Variants in SYNE2 observed in about 807,000 individuals in gnomAD.
The protein encoded by SYNE2 is nesprin-2.
In SYNE2, 431 loss-of-function variants were observed where a neutral mutation model predicts 856.3. That is an observed-to-expected ratio of 0.50 (90% CI 0.47 to 0.55). The LOEUF (loss-of-function observed/expected upper bound fraction) is 0.55, where lower values mean the gene tolerates loss of function less well. SYNE2 is among the 20% of genes least tolerant of loss of function. The probability of loss-of-function intolerance (pLI) is 0.00; values close to 1 mark genes in which losing one functional copy is unlikely to be tolerated. For synonymous variants in SYNE2, 2,923 were observed against 2,872.3 expected, an observed-to-expected ratio of 1.02 and a Z score of -0.56; for missense variants, 8,129 against 8,023.2, an observed-to-expected ratio of 1.01 and a Z score of -0.50.
At chr14:64,004,638 C>T (rs1007320475) in intron 30 of SYNE2, among the ~76,000 whole-genome samples, 7 of 152,024 alleles carry the variant, frequency 4.6e-5, no homozygotes, top group African/African-American at 1.4e-4. Context: ...CCTCTTCCCC[C>T]CTTTCTAAAT....
intron 1 of SYNE2, among the ~76,000 whole-genome samples, chr14:63,840,279 A>G (rs182523623): frequency 2.6e-5 from 4 of 152,304 alleles, no homozygotes; most frequent in Admixed American, 2.0e-4. Context: ...TCAAAAAAAA[A>G]AGTAGGCTTT....
intron 58 of SYNE2, among the ~76,000 whole-genome samples, chr14:64,088,935 T>C (rs1410293104): frequency 6.6e-6 from 1 of 152,242 alleles, no homozygotes; most frequent in Non-Finnish European, 1.5e-5. Flanking sequence ...TACCCTAAAA[T>C]ACATTGTATA....
chr14:63,814,877 TC>T lies in SYNE2; in HGVS notation c.-304-37622del, dbSNP rs1472344993. Among the ~76,000 whole-genome samples, 3 of 78,008 alleles carry T rather than the reference TC, an allele frequency of 3.8e-5. No individual in the cohort carries two copies. In the East Asian group the frequency reaches 8.9e-4, roughly 23 times the overall value. 51.2% of individuals were successfully genotyped at this position (78,008 alleles called of 152,430 possible). On this transcript the variant is annotated intron_variant, in intron 1 of 23. Transcript: ENST00000674003. ...ATCCATATATATCTCTCCATATATATCCATATATATATCCATATATATATCC... is the reference window on the plus strand; with the variant it reads ...ATCCATATATATCTCTCCATATATATCATATATATATCCATATATATATCC...
chr14:63,828,294 G>A (rs1889539183), intron 1 of SYNE2, among the ~76,000 whole-genome samples: 1 of 152,114 alleles, frequency 6.6e-6, no homozygotes, highest in African/African-American at 2.4e-5. Flanking sequence ...CACCTAGTTA[G>A]ACCATATTTA....
rs549260257 is a variant in SYNE2, at chr14:63,968,539, G to A, written c.1128+693G>A. ...AGTAAGGATGAATTTGTGCATGTGT[G>A]TCTGAATATATCTGTATAATTTCAG... On this transcript the variant is annotated intron_variant, in intron 11 of 115. Coordinates refer to ENST00000555002, the MANE Select transcript of SYNE2 (RefSeq NM_182914.3). Among the ~76,000 whole-genome samples, 8 of 152,242 alleles carry A rather than the reference G, an allele frequency of 5.3e-5. No individual in the cohort carries two copies. In the South Asian group the frequency reaches 1.7e-3, roughly 32 times the overall value.
At chr14:64,218,290 G>A in intron 108 of SYNE2, 108 bp from the exon 109 acceptor site, 1 of 1,017,190 alleles carries the variant, frequency 9.8e-7, no homozygotes, top group South Asian at 1.4e-5. Context: ...ACCCTTCAAA[G>A]GAAAGGGGCC....
rs78468258 is a variant in SYNE2 at position 64,102,114 on chromosome 14, C to T, written c.12492+72C>T. On this transcript the variant is annotated intron_variant, in intron 64 of 115. Transcript: ENST00000555002. The stretch of plus-strand genomic sequence containing the variant: ...GGGGGAGCAGGGATCTCTTTCTGCA[C>T]GACTTTCTTTCCCTACACCCCTGAG... The T allele has an allele frequency of 0.017, 18,460 of 1,095,282 alleles. 668 individuals are homozygous for T. The highest frequency in any genetic ancestry group is 0.11 in the East Asian group (4,526 of 40,788). 67.8% of individuals were successfully genotyped at this position (1,095,282 alleles called of 1,614,324 possible).
At chr14:63,892,228 T>C (rs1462801768) in intron 1 of SYNE2, among the ~76,000 whole-genome samples, 3 of 152,024 alleles carry the variant, frequency 2.0e-5, no homozygotes, top group South Asian at 2.1e-4. Context: ...CATACTGTTA[T>C]AATTACAGTG....
At chr14:63,832,650 T>G (rs974838394) in intron 1 of SYNE2, among the ~76,000 whole-genome samples, 10 of 152,106 alleles carry the variant, frequency 6.6e-5, no homozygotes, top group Admixed American at 5.2e-4. Context: ...GAAGAAGAAA[T>G]CGTCAGAAGA....
chr14:64,079,452 C>T (rs1472222125), intron 55 of SYNE2, among the ~76,000 whole-genome samples: 2 of 152,106 alleles, frequency 1.3e-5, no homozygotes, highest in South Asian at 2.1e-4. Flanking sequence ...CAGAGTATGG[C>T]TCACTATTGG....
chr14:63,889,698 A>G lies in SYNE2; in HGVS notation c.-51-19400A>G, dbSNP rs528507977. ...TCCCTATGTTGCCTGGGCTGGTGTG[A>G]AACCCCTGGGCTCAAGTGATCCTCC... is the stretch of plus-strand genomic sequence containing the variant. On this transcript the variant is annotated intron_variant, in intron 1 of 115. Transcript: ENST00000555002. Among the ~76,000 whole-genome samples the G allele has an allele frequency of 3.9e-5, 6 of 152,146 alleles. No individual in the cohort carries two copies. The South Asian group carries it at 8.3e-4, about 21-fold the overall frequency.
intron 1 of SYNE2, among the ~76,000 whole-genome samples, chr14:63,775,985 A>C (rs1012884294): frequency 6.6e-6 from 1 of 152,220 alleles, no homozygotes; most frequent in Non-Finnish European, 1.5e-5. Context: ...GAGGCAACAC[A>C]CTGACCTATA....
At chr14:63,850,431 T>C (rs1446348174), upstream of SYNE2, among the ~76,000 whole-genome samples, 1 of 151,996 alleles carries the variant, frequency 6.6e-6, no homozygotes, top group South Asian at 2.1e-4. Flanking sequence ...TTTCGGTACA[T>C]GGAAGAGTGT....
chr14:63,905,963 G>C (rs1413659149), intron 1 of SYNE2, among the ~76,000 whole-genome samples: 3 of 151,902 alleles, frequency 2.0e-5, no homozygotes, highest in Non-Finnish European at 4.4e-5. Flanking sequence ...ATTATTTTGA[G>C]GTATGTTCCT....
chr14:64,221,349 G>A (rs1285190509), intron 111 of SYNE2, among the ~76,000 whole-genome samples: 2 of 152,216 alleles, frequency 1.3e-5, no homozygotes, highest in East Asian at 1.9e-4. Flanking sequence ...TACCTTCATA[G>A]TGGCACTTTT....
intron 45 of SYNE2, among the ~76,000 whole-genome samples, chr14:64,043,163 G>C (rs930152308): frequency 5.3e-5 from 8 of 152,218 alleles, no homozygotes; most frequent in African/African-American, 1.9e-4. Context: ...GAACTTGAGA[G>C]AGATGATTTA....
At chr14:64,019,297 T>A (rs2096918700) in intron 34 of SYNE2, among the ~76,000 whole-genome samples, 1 of 151,980 alleles carries the variant, frequency 6.6e-6, no homozygotes, top group African/African-American at 2.4e-5. Context: ...ATTTGTTCTC[T>A]TGCTAGGTCA....
intron 1 of SYNE2, among the ~76,000 whole-genome samples, chr14:63,781,683 G>A (rs1029696430): frequency 4.2e-5 from 6 of 141,466 alleles, no homozygotes; most frequent in Admixed American, 2.2e-4. Flanking sequence ...TATATATAAA[G>A]TTATATTTAT....
chr14:63,997,789 T>C (rs1444904132), intron 25 of SYNE2, among the ~76,000 whole-genome samples: 1 of 152,244 alleles, frequency 6.6e-6, no homozygotes, highest in East Asian at 1.9e-4. Flanking sequence ...TATTTCATTT[T>C]CTGTGGGAAT....
Sources: gnomAD v4.1 joint callset for allele counts (sites outside exome capture counted in the v4.1 genomes callset) on GRCh38, gnomAD v4.1.1 for gene constraint, MANE v1.5 for transcripts, NCBI Gene and HGNC (gene_info 2026-07-23, HGNC 2026-07-21) for gene names.